The following SNTG1 variants were observed in gnomAD, a reference collection of about 807,000 sequenced individuals.
SNTG1 encodes syntrophin gamma 1.
Under a neutral mutation model 74.7 loss-of-function variants are expected in SNTG1, and 39 were observed. The ratio of observed to expected loss-of-function variants is 0.52; its 90% confidence interval spans 0.40 to 0.68. The LOEUF is 0.68. Among genes scored for constraint, SNTG1 ranks in the 30% least tolerant of loss-of-function variants. SNTG1 has a pLI of 0.00. For missense variants in SNTG1, 685 were observed against 609.5 expected, an observed-to-expected ratio of 1.12 and a Z score of -1.30; for synonymous variants, 254 against 217.1, an observed-to-expected ratio of 1.17 and a Z score of -1.49.
At position 50,691,247 on chromosome 8, in the gene SNTG1, C is replaced by A. The variant is rs188826805; in HGVS notation, c.1039-13353C>A. Reference sequence around the variant, plus strand: ...TCAATTGGAGCATTTAGCCCATTTACATTTAAGGTTAATATTGTTATGTGT... The same window carrying A: ...TCAATTGGAGCATTTAGCCCATTTAAATTTAAGGTTAATATTGTTATGTGT... On this transcript the variant is annotated intron_variant, in intron 15 of 18. Coordinates refer to ENST00000642720, the MANE Select transcript of SNTG1 (RefSeq NM_018967.5). 2.0e-3 allele frequency among the ~76,000 whole-genome samples: 304 copies of A among 152,284 alleles called. 4 individuals carry two copies. Among genetic ancestry groups the A allele is most frequent in the African/African-American group, 7.1e-3 (297 of 41,556 alleles).
intron 2 of SNTG1, among the ~76,000 whole-genome samples, chr8:50,205,971 A>C (rs559952049): frequency 4.6e-5 from 7 of 152,044 alleles, no homozygotes; most frequent in Admixed American, 1.3e-4. Flanking sequence ...GTTACTGTAG[A>C]CTTGTAGTAT....
At chr8:50,784,894 CAAAA>C (rs1205777067) in intron 18 of SNTG1, among the ~76,000 whole-genome samples, 1 of 151,496 alleles carries the variant, frequency 6.6e-6, no homozygotes. Flanking sequence ...AAATGAATAA[CAAAA>C]GAACAATTGA....
Position 50,151,322 on chromosome 8 carries a change from C to G in SNTG1, c.-102-21239C>G, listed in dbSNP as rs373033427. Among the ~76,000 whole-genome samples the G allele has an allele frequency of 6.6e-5, 10 of 152,088 alleles. No homozygotes were observed. In the East Asian group the frequency reaches 1.5e-3, roughly 24 times the overall value. ...TTTCATTTATTCTTTATTAGTCTTG[C>G]TAGTGGTCTATCAATTTTGTTGATC... On this transcript the variant is annotated intron_variant, in intron 1 of 18. Coordinates refer to ENST00000642720, the MANE Select transcript of SNTG1 (RefSeq NM_018967.5).
In SNTG1 at chr8:50,795,858, C is replaced by T. The variant is rs897849798; in HGVS notation, c.*3029C>T. ...AGTGTAAGTGTAATGTATATCTGAA[C>T]ACTTATCCAGCTTTTTTAAAATGGG... On this transcript the variant is annotated 3_prime_UTR_variant, in exon 19 of 19. Coordinates refer to ENST00000642720, the MANE Select transcript of SNTG1 (RefSeq NM_018967.5). 8.6e-5 allele frequency: 13 copies of T among 151,990 alleles called. No homozygotes were observed. Among genetic ancestry groups the T allele is most frequent in the Admixed American group, 2.0e-4 (3 of 15,226 alleles). The allele number at this position is 151,990 out of a possible 1,614,324, so 9.4% of individuals were successfully genotyped here.
At chr8:50,446,397 C>A (rs1468646552) in intron 5 of SNTG1, among the ~76,000 whole-genome samples, 1 of 143,972 alleles carries the variant, frequency 6.9e-6, no homozygotes, top group South Asian at 2.2e-4. Context: ...AAAAACAGGC[C>A]AGGTGCAGTG....
At chr8:50,172,828 C>T (rs778362560) in intron 2 of SNTG1, among the ~76,000 whole-genome samples, 193 bp downstream of exon 2, 2 of 150,326 alleles carry the variant, frequency 1.3e-5, no homozygotes, top group African/African-American at 4.9e-5. Context: ...ATATTCAGAA[C>T]GTATCTCCAT....
chr8:50,339,217 G>C (rs886344238), intron 2 of SNTG1, among the ~76,000 whole-genome samples: 1 of 152,026 alleles, frequency 6.6e-6, no homozygotes, highest in African/African-American at 2.4e-5. Flanking sequence ...TCCTTCAAAT[G>C]TAAAGAAGGA....
chr8:50,712,701 G>C (rs985011088), intron 17 of SNTG1, among the ~76,000 whole-genome samples: 19 of 150,486 alleles, frequency 1.3e-4, no homozygotes, highest in Non-Finnish European at 2.8e-4. Flanking sequence ...TTCCCTCCTT[G>C]TGTCTACCTG....
chr8:50,661,918 C>G (rs13251712), intron 15 of SNTG1, among the ~76,000 whole-genome samples: 91,107 of 152,032 alleles, frequency 0.6, 29,288 homozygotes, highest in Non-Finnish European at 0.7. Context: ...ATAAAGCCAT[C>G]CTTCAAGCAT....
At chr8:50,136,855 T>G (rs1421363764) in intron 1 of SNTG1, among the ~76,000 whole-genome samples, 1 of 152,090 alleles carries the variant, frequency 6.6e-6, no homozygotes, top group African/African-American at 2.4e-5. Flanking sequence ...TTGGGACCCA[T>G]GGTAACTTGT....
intron 2 of SNTG1, among the ~76,000 whole-genome samples, chr8:50,275,755 A>G (rs1169751596): frequency 1.3e-5 from 2 of 152,142 alleles, no homozygotes; most frequent in Admixed American, 6.5e-5. Flanking sequence ...TTTTCCTGCA[A>G]GATATGGACT....
At chr8:50,032,803 T>C (rs919537608) in intron 1 of SNTG1, among the ~76,000 whole-genome samples, 4 of 152,158 alleles carry the variant, frequency 2.6e-5, no homozygotes, top group African/African-American at 9.7e-5. Flanking sequence ...TTTTTTTTCA[T>C]GTTGCTCACC....
chr8:50,184,842 A>C (rs574605207), intron 2 of SNTG1, among the ~76,000 whole-genome samples: 61 of 152,212 alleles, frequency 4.0e-4, no homozygotes, highest in Non-Finnish European at 6.6e-4. Flanking sequence ...CTAGTTCAGT[A>C]TTAAATATCC....
At chr8:50,509,994 G>A (rs1163773906) in intron 9 of SNTG1, among the ~76,000 whole-genome samples, 1 of 152,148 alleles carries the variant, frequency 6.6e-6, no homozygotes, top group Non-Finnish European at 1.5e-5. Context: ...TCTTGTGCCA[G>A]TATTCAAAGG....
At chr8:50,565,675 T>A (rs1347870466) in intron 12 of SNTG1, among the ~76,000 whole-genome samples, 1 of 151,994 alleles carries the variant, frequency 6.6e-6, no homozygotes, top group Admixed American at 6.6e-5. Flanking sequence ...CAAAAAATGG[T>A]TAGTCTCTGC....
intron 1 of SNTG1, among the ~76,000 whole-genome samples, chr8:50,153,843 C>T (rs181376213): frequency 0.014 from 2,078 of 152,264 alleles, 22 homozygotes; most frequent in Non-Finnish European, 0.021. Context: ...TTAGGCTACT[C>T]GGGAGTCAGG....
chr8:50,111,527 T>G (rs2080589003), intron 1 of SNTG1, among the ~76,000 whole-genome samples: 1 of 152,120 alleles, frequency 6.6e-6, no homozygotes, highest in African/African-American at 2.4e-5. Context: ...ATCCAACTGC[T>G]AGAAACGAGG....
chr8:50,429,099 A>G (rs1487545093), intron 4 of SNTG1, among the ~76,000 whole-genome samples: 1 of 152,128 alleles, frequency 6.6e-6, no homozygotes, highest in Non-Finnish European at 1.5e-5. Flanking sequence ...ATAAATCCCT[A>G]TAAAAAAATC....
chr8:50,215,488 T>A (rs2131945438), intron 2 of SNTG1, among the ~76,000 whole-genome samples: 1 of 148,082 alleles, frequency 6.8e-6, no homozygotes, highest in Non-Finnish European at 1.5e-5. Context: ...ACTATATATA[T>A]ATAGACTATA....
Sources: gnomAD v4.1 joint callset for allele counts (sites outside exome capture counted in the v4.1 genomes callset) on GRCh38, gnomAD v4.1.1 for gene constraint, MANE v1.5 for transcripts, NCBI Gene and HGNC (gene_info 2026-07-23, HGNC 2026-07-21) for gene names.